PLXNB3: variants seen among roughly 807,000 people sequenced by gnomAD.
PLXNB3 encodes the protein plexin-B3.
In PLXNB3, 80 loss-of-function variants were observed where a neutral mutation model predicts 125.7. The observed-to-expected ratio is 0.64, with a 90% CI of 0.53 to 0.77. The LOEUF (loss-of-function observed/expected upper bound fraction) is 0.77. Among genes scored for constraint, PLXNB3 ranks in the 30% least tolerant of loss-of-function variants. The pLI, the probability that PLXNB3 is intolerant of heterozygous loss-of-function variation, is 0.00. For missense variants in PLXNB3, 1,836 were observed against 1,729.3 expected (o/e 1.06, Z -1.09); for synonymous variants, 954 against 783.3 (o/e 1.22, Z -3.64).
At chrX:153,772,123 G>GGGTGGAGAAGGTGCGCTCGGTAGCAACT in intron 15 of PLXNB3, 59 bp from the exon 16 acceptor site, 1 of 1,138,430 alleles carries the variant, frequency 8.8e-7, no homozygotes, top group Non-Finnish European at 1.2e-6. Flanking sequence ...GTCAGGGGAG[G>GGGTGGAGAAGGTGCGCTCGGTAGCAACT]GGTGGGCTGT....
chrX:153,771,144 A>G lies in PLXNB3; in HGVS notation c.2253+63A>G. 9 of 1,028,534 alleles carry G rather than the reference A, an allele frequency of 8.8e-6. No individual in the cohort carries two copies. In the South Asian group the frequency reaches 1.6e-4, roughly 18 times the overall value. The allele number at this position is 1,028,534 out of a possible 1,213,427, so 84.8% of individuals were successfully genotyped here. ...TTCCGTAGACCCTCAGGGGTCTGCC[A>G]TCTTTGTGGAGAGCCTGCTTGGGGC... On this transcript the variant is annotated intron_variant, in intron 12 of 35. Transcript: ENST00000361971.
rs781871840 is a variant in PLXNB3, at chrX:153,768,245, G to A, written c.1087-4G>A. 23 of 1,180,228 alleles carry A rather than the reference G, an allele frequency of 1.9e-5. No homozygotes were observed. Among genetic ancestry groups the A allele is most frequent in the South Asian group, 9.3e-5 (5 of 53,912 alleles). ...GGGCTGATTCTCCACTTCCTGCCAC[G>A]TAGGATTCCCCCGAGTCGTACCCCT... On this transcript the variant is annotated splice_polypyrimidine_tract_variant and splice_region_variant and intron_variant, in intron 3 of 35. Transcript: ENST00000361971.
At chrX:153,769,698 CATT>C in intron 6 of PLXNB3, 106 bp from the exon 7 acceptor site, 1 of 822,609 alleles carries the variant, frequency 1.2e-6, no homozygotes, top group Non-Finnish European at 1.7e-6. Flanking sequence ...GCCTCCTGCT[CATT>C]GCACCCCACT....
chrX:153,769,703 C>T, intron 6 of PLXNB3, 104 bp from the exon 7 acceptor site: 3 of 858,190 alleles, frequency 3.5e-6, no homozygotes, highest in Non-Finnish European at 4.9e-6. Flanking sequence ...CTGCTCATTG[C>T]ACCCCACTGC....
intron 29 of PLXNB3, 68 bp from the exon 30 acceptor site, chrX:153,777,140 G>T: frequency 9.3e-7 from 1 of 1,077,660 alleles, no homozygotes; most frequent in Non-Finnish European, 1.2e-6. Flanking sequence ...CTTGTCGGGG[G>T]AGTGGACTGG....
Position 153,772,879 on chromosome X carries a change from T to A in PLXNB3, c.2776-7T>A. 1 of 1,117,897 alleles carries A rather than the reference T, an allele frequency of 8.9e-7. No individual in the cohort carries two copies. Among genetic ancestry groups the A allele is most frequent in the African/African-American group, 1.9e-5 (1 of 54,004 alleles). 92.1% of individuals were successfully genotyped at this position (1,117,897 alleles called of 1,213,427 possible). On this transcript the variant is annotated splice_polypyrimidine_tract_variant and splice_region_variant and intron_variant, in intron 16 of 35. Transcript: ENST00000361971. ...GCCGTGCCTACCCAGCCTGCGCTGT[T>A]CGCCAGGACCCTGTCCTGCTGAGCC...
At chrX:153,771,817 G>C (rs781903131) in intron 14 of PLXNB3, 47 bp from the exon 15 acceptor site, 1 of 1,182,154 alleles carries the variant, frequency 8.5e-7, no homozygotes, top group African/African-American at 1.8e-5. Context: ...CTGCAGAGTG[G>C]AGCGTGGGTG....
At chrX:153,766,177 C>T (rs1557059084) in intron 2 of PLXNB3, 4 of 1,135,408 alleles carry the variant, frequency 3.5e-6, no homozygotes, top group Non-Finnish European at 4.7e-6. Context: ...CTGCCTTGCC[C>T]CAGTGCTTCC....
intron 1 of PLXNB3, among the ~76,000 whole-genome samples, chrX:153,764,833 G>A (rs1296585129): frequency 8.9e-6 from 1 of 112,896 alleles, no homozygotes; most frequent in Non-Finnish European, 1.9e-5. Context: ...AGGGTGGGGT[G>A]GACAGCCCCG....
At chrX:153,765,668 G>A in intron 2 of PLXNB3, 88 bp downstream of exon 2, 1 of 1,161,863 alleles carries the variant, frequency 8.6e-7, no homozygotes, top group South Asian at 1.9e-5. Context: ...AGGACATACA[G>A]GCTGCAGCCT....
In PLXNB3 at chrX:153,769,266, AGCACGGG is replaced by A. The variant is rs2148416981; in HGVS notation, c.1496+7_1496+13del. On this transcript the variant is annotated splice_donor_5th_base_variant and intron_variant, in intron 6 of 35. Transcript: ENST00000361971. ...GCTGGTGTGTCCTCCAGGGCAGGTG[AGCACGGG>A]GCCTGTGCCTAGGCTAGGGCCAACG... The A allele has an allele frequency of 8.7e-7, 1 of 1,147,510 alleles. No individual in the cohort carries two copies. The highest frequency in any genetic ancestry group is 3.2e-5 in the East Asian group (1 of 30,782). 94.6% of individuals were successfully genotyped at this position (1,147,510 alleles called of 1,213,427 possible). A position where few individuals can be genotyped will look rare whatever the true frequency, so the allele number is the denominator to read the frequency against.
chrX:153,768,585 C>A (rs185691476), intron 4 of PLXNB3, among the ~76,000 whole-genome samples, 157 bp downstream of exon 4: 1 of 113,064 alleles, frequency 8.8e-6, no homozygotes, highest in East Asian at 2.8e-4. Flanking sequence ...CCCTGCAGCC[C>A]GGCCTTCACC....
At chrX:153,770,474 T>A in intron 9 of PLXNB3, 28 bp downstream of exon 9, 1 of 1,197,033 alleles carries the variant, frequency 8.4e-7, no homozygotes, top group Non-Finnish European at 1.1e-6. Flanking sequence ...CCTCCTGGGG[T>A]AGGGGTGGCG....
In PLXNB3 at chrX:153,771,641, C is replaced by T. The variant is rs1330316647; in HGVS notation, c.2503C>T (p.Pro835Ser). The T allele has an allele frequency of 8.4e-7, 1 of 1,189,726 alleles. No individual in the cohort carries two copies. The highest frequency in any genetic ancestry group is 1.1e-6 in the Non-Finnish European group (1 of 886,098). ...GGCTGTGGAGCTGCTGTGTCCTGCGCCCAGCATTGATGCAGTGAGTCTCCT... is the reference window on the plus strand; with the variant it reads ...GGCTGTGGAGCTGCTGTGTCCTGCGTCCAGCATTGATGCAGTGAGTCTCCT... Reference protein sequence around the residue: ...PGAVELLCPAPSIDAVEPLTG... With the variant: ...PGAVELLCPASSIDAVEPLTG... The change falls in exon 14 of 36, where the codon CCC becomes TCC. Residue 835 changes from proline to serine, a missense_variant. Transcript: ENST00000361971.
chrX:153,771,458 G>A (rs782406980), intron 13 of PLXNB3, 28 bp from the exon 14 acceptor site: 14 of 1,207,206 alleles, frequency 1.2e-5, no homozygotes, highest in African/African-American at 7.0e-5. Flanking sequence ...GACAGGAGGC[G>A]CTCAGCACAC....
intron 16 of PLXNB3, 200 bp from the exon 17 acceptor site, chrX:153,772,686 C>A: frequency 4.9e-6 from 5 of 1,021,291 alleles, no homozygotes; most frequent in Non-Finnish European, 6.2e-6. Context: ...CACTTCTACT[C>A]CCCATGCGGC....
intron 19 of PLXNB3, 57 bp downstream of exon 19, chrX:153,773,770 GGGA>G (rs1297601570): frequency 5.9e-6 from 7 of 1,186,147 alleles, no homozygotes; most frequent in East Asian, 3.0e-5. Context: ...ATGCCCAGTG[GGGA>G]GGAGGAGGGT....
At chrX:153,768,159 T>C in intron 3 of PLXNB3, 90 bp from the exon 4 acceptor site, 1 of 985,217 alleles carries the variant, frequency 1.0e-6, no homozygotes, top group Non-Finnish European at 1.4e-6. Context: ...CCAGGGTGCC[T>C]GGCTCTCCTC....
rs1569541698 is a variant in PLXNB3, at chrX:153,767,543, C to G, written c.716C>G (p.Ala239Gly). 6 of 1,174,490 alleles carry G rather than the reference C, an allele frequency of 5.1e-6. No individual in the cohort carries two copies. Among genetic ancestry groups the G allele is most frequent in the Non-Finnish European group, 6.8e-6 (6 of 876,969 alleles). The change falls in exon 3 of 36, where the codon GCC becomes GGC. Residue 239 changes from alanine (A) to glycine (G), a missense_variant. Ala to Gly is a moderately conservative substitution (Grantham distance 60). Coordinates refer to ENST00000361971, the MANE Select transcript of PLXNB3 (RefSeq NM_005393.3). ...AACAACAGCTACGTCGGGGCCTTTG[C>G]CGACGCCCGCTCCGCCTACTTCGTG... is the stretch of plus-strand genomic sequence containing the variant. Reference protein sequence around the residue: ...DYNNSYVGAFADARSAYFVFR... With the variant: ...DYNNSYVGAFGDARSAYFVFR...
Sources: gnomAD v4.1 joint callset for allele counts (sites outside exome capture counted in the v4.1 genomes callset) on GRCh38, gnomAD v4.1.1 for gene constraint, MANE v1.5 for transcripts, NCBI Gene and HGNC (gene_info 2026-07-23, HGNC 2026-07-21) for gene names.